PTPRZ1: variants seen among roughly 807,000 people sequenced by gnomAD.
PTPRZ1 encodes the protein protein tyrosine phosphatase receptor type Z1.
A neutral mutation model predicts 214.1 loss-of-function variants in PTPRZ1; 82 were observed. The observed-to-expected ratio is 0.38, with a 90% CI of 0.32 to 0.46. The LOEUF is 0.46. Among genes scored for constraint, PTPRZ1 ranks in the 20% least tolerant of loss-of-function variants. The pLI is 1.00. For synonymous variants in PTPRZ1, 945 were observed against 987.9 expected, an observed-to-expected ratio of 0.96 and a Z score of 0.81; for missense variants, 2,603 against 2,748.7, an observed-to-expected ratio of 0.95 and a Z score of 1.19.
rs950539949 is a variant in PTPRZ1, at chr7:121,879,794, CTTCT to C, written c.58+6238_58+6241del. Among the ~76,000 whole-genome samples the C allele has an allele frequency of 6.6e-5, 10 of 151,630 alleles. No homozygotes were observed. In the East Asian group the frequency reaches 1.2e-3, roughly 18 times the overall value. On this transcript the variant is annotated intron_variant, in intron 1 of 29. Transcript: ENST00000393386. ...CCTTCCTTTTTTCTTTCCCTCCTTC[CTTCT>C]ATTTTTCCTTCCTTCCCCTTTCCTC... is the stretch of plus-strand genomic sequence containing the variant.
At chr7:121,990,519 T>G (rs1055910910) in intron 8 of PTPRZ1, among the ~76,000 whole-genome samples, 2 of 141,048 alleles carry the variant, frequency 1.4e-5, no homozygotes, top group African/African-American at 5.3e-5. Context: ...TGTCTTTTTT[T>G]TTTTTTTTTT....
chr7:121,945,615 T>G (rs972058770), intron 2 of PTPRZ1, among the ~76,000 whole-genome samples: 14 of 152,146 alleles, frequency 9.2e-5, no homozygotes, highest in African/African-American at 3.4e-4. Context: ...ATGAGCTAGT[T>G]CATGTGGGGA....
Position 122,013,365 on chromosome 7 carries a change from A to G in PTPRZ1, c.4319A>G (p.His1440Arg), listed in dbSNP as rs139890527. Residue 1440 changes from histidine to arginine, a missense_variant, in exon 12 of 30, where the codon CAT (histidine) becomes CGT (arginine). Physicochemically the swap from His to Arg is conservative, Grantham distance 29. Transcript: ENST00000393386. ...DDRGSDGLSI[H>R]KCMSCSSYRE... ...AGAGGTAGTGATGGCTTATCCATTCATAAGTGTATGTCATGCTCATCCTAT... is the reference window on the plus strand; with the variant it reads ...AGAGGTAGTGATGGCTTATCCATTCGTAAGTGTATGTCATGCTCATCCTAT... The G allele has an allele frequency of 1.5e-3, 2,420 of 1,614,188 alleles. 4 individuals are homozygous for G. The highest frequency in any genetic ancestry group is 1.9e-3 in the Non-Finnish European group (2,202 of 1,180,024).
intron 18 of PTPRZ1, among the ~76,000 whole-genome samples, chr7:122,038,148 T>C (rs1486159834): frequency 6.6e-6 from 1 of 152,110 alleles, no homozygotes; most frequent in Non-Finnish European, 1.5e-5. Flanking sequence ...TTCCATTATT[T>C]CCACCTGGTT....
rs574517335 is a variant in PTPRZ1, at chr7:121,923,365, C to T, written c.59-4791C>T. Among the ~76,000 whole-genome samples the T allele has an allele frequency of 7.3e-4, 111 of 152,268 alleles. No individual in the cohort carries two copies. The South Asian group carries it at 0.022, about 30-fold the overall frequency. On this transcript the variant is annotated intron_variant, in intron 1 of 29. Coordinates refer to ENST00000393386, the MANE Select transcript of PTPRZ1 (RefSeq NM_002851.3). Reference sequence around the variant, plus strand: ...TGCAAGAAGTATCATCTACCTTGAACAAATTCACTTTAAGAGATATGGAAT... The same window carrying T: ...TGCAAGAAGTATCATCTACCTTGAATAAATTCACTTTAAGAGATATGGAAT...
chr7:121,945,045 C>A (rs757977786), intron 2 of PTPRZ1, among the ~76,000 whole-genome samples: 6 of 152,194 alleles, frequency 3.9e-5, no homozygotes, highest in Non-Finnish European at 8.8e-5. Flanking sequence ...AAAATGTTAT[C>A]TGTCAGTTCC....
chr7:122,056,057 C>T (rs1792341219), intron 27 of PTPRZ1, among the ~76,000 whole-genome samples: 2 of 151,764 alleles, frequency 1.3e-5, no homozygotes, highest in African/African-American at 4.8e-5. Flanking sequence ...AACTAGAAGG[C>T]TCGTAAGGTC....
chr7:121,943,859 T>C (rs1275508917), intron 2 of PTPRZ1, among the ~76,000 whole-genome samples: 17 of 152,152 alleles, frequency 1.1e-4, no homozygotes, highest in Admixed American at 1.0e-3. Context: ...TAGGTCAATC[T>C]CAGCTTATGT....
chr7:121,891,312 A>G (rs1199965942), intron 1 of PTPRZ1, among the ~76,000 whole-genome samples: 1 of 151,792 alleles, frequency 6.6e-6, no homozygotes, highest in Non-Finnish European at 1.5e-5. Context: ...TTTCTAAATT[A>G]TTTTATTCTC....
At chr7:122,009,493 G>C (rs947749245) in intron 11 of PTPRZ1, among the ~76,000 whole-genome samples, 5 of 150,172 alleles carry the variant, frequency 3.3e-5, no homozygotes, top group African/African-American at 4.9e-5. Context: ...TTTGGCAATT[G>C]AGTTTTCTAA....
At chr7:122,005,637 GAT>G (rs879935574) in intron 11 of PTPRZ1, among the ~76,000 whole-genome samples, 175 of 150,566 alleles carry the variant, frequency 1.2e-3, no homozygotes, top group African/African-American at 3.3e-3. Flanking sequence ...TGCATATGGA[GAT>G]ATATATATAT....
chr7:121,970,978 T>C (rs1042630483), intron 3 of PTPRZ1, among the ~76,000 whole-genome samples: 2 of 152,222 alleles, frequency 1.3e-5, no homozygotes, highest in African/African-American at 4.8e-5. Flanking sequence ...TTAATTTTTG[T>C]ATAAGGTGTA....
chr7:121,901,750 A>G (rs1487055470), intron 1 of PTPRZ1, among the ~76,000 whole-genome samples: 1 of 152,172 alleles, frequency 6.6e-6, no homozygotes, highest in Non-Finnish European at 1.5e-5. Flanking sequence ...GTACATATTT[A>G]TGGGCTACAA....
Position 121,873,535 on chromosome 7 carries a change from G to A in PTPRZ1, c.36G>A (p.Gln12=). ...RILKRFLACI[Q]LLCVCRLDWA... is the part of the protein sequence containing the mutation. ...TAAAGCGTTTCCTCGCTTGCATTCA[G>A]CTCCTCTGTGTTTGCCGCCTGGGTG... Residue 12 remains glutamine, a synonymous_variant, in exon 1 of 30, where the codon CAG becomes CAA. Coordinates refer to ENST00000393386, the MANE Select transcript of PTPRZ1 (RefSeq NM_002851.3). 6.2e-7 allele frequency: 1 copy of A among 1,613,980 alleles called. No individual in the cohort carries two copies.
At chr7:121,935,143 G>T (rs945774416) in intron 2 of PTPRZ1, among the ~76,000 whole-genome samples, 2 of 152,054 alleles carry the variant, frequency 1.3e-5, no homozygotes, top group South Asian at 4.1e-4. Flanking sequence ...TTATTTGGTC[G>T]CAACTCTTAT....
chr7:122,053,202 T>C lies in PTPRZ1; in HGVS notation c.6253-708T>C, dbSNP rs1792240490. Among the ~76,000 whole-genome samples, 4 of 152,200 alleles carry C rather than the reference T, an allele frequency of 2.6e-5. No individual in the cohort carries two copies. In the South Asian group the frequency reaches 8.3e-4, roughly 32 times the overall value. Reference sequence around the variant, plus strand: ...CAATGCCCCCACTGAGTCCAGGGCATTATCCAAGTAGGTTTTCCATGGGGA... The same window carrying C: ...CAATGCCCCCACTGAGTCCAGGGCACTATCCAAGTAGGTTTTCCATGGGGA... On this transcript the variant is annotated intron_variant, in intron 25 of 29. Transcript: ENST00000393386.
chr7:122,011,850 G>C lies in PTPRZ1; in HGVS notation c.2804G>C (p.Gly935Ala), dbSNP rs1798676447. ...EPSYALSDNE[G>A]SQHIFTVSYS... is the part of the protein sequence containing the mutation. ...TCTTATGCCTTGTCTGATAATGAGG[G>C]CTCCCAACACATCTTCACTGTTTCT... The change falls in exon 12 of 30, where the codon GGC becomes GCC. Residue 935 changes from glycine to alanine, a missense_variant. Gly to Ala is a moderately conservative substitution (Grantham distance 60). This residue lies in a region of PTPRZ1 where 1,913 missense variants were observed against 1,914.3 expected (regional missense o/e 1.00). Transcript: ENST00000393386. 1 of 1,613,518 alleles carries C rather than the reference G, an allele frequency of 6.2e-7. No individual in the cohort carries two copies. Among genetic ancestry groups the C allele is most frequent in the East Asian group, 2.2e-5 (1 of 44,894 alleles).
chr7:122,037,800 G>A (rs982898876), intron 18 of PTPRZ1, among the ~76,000 whole-genome samples: 6 of 152,120 alleles, frequency 3.9e-5, no homozygotes, highest in African/African-American at 1.2e-4. Flanking sequence ...ACTCCTCTGA[G>A]CTTTAGGTTC....
Position 122,013,541 on chromosome 7 carries a change from G to A in PTPRZ1, c.4495G>A (p.Asp1499Asn). Residue 1499 changes from aspartate to asparagine, a missense_variant, in exon 12 of 30, where the codon GAC (aspartate) becomes AAC (asparagine). By Grantham distance (23) the Asp-to-Asn change is conservative (BLOSUM62 1). This residue lies in a region of PTPRZ1 where 1,913 missense variants were observed against 1,914.3 expected (regional missense o/e 1.00). Transcript: ENST00000393386. ...ATCCTCAGACAGTCAAACTGGTATG[G>A]ACAGAAGTCCTGGTAAATCACCATC... ...SVSSDSQTGM[D>N]RSPGKSPSAN... 1 of 1,614,162 alleles carries A rather than the reference G, an allele frequency of 6.2e-7. No individual in the cohort carries two copies. Among genetic ancestry groups the A allele is most frequent in the Non-Finnish European group, 8.5e-7 (1 of 1,180,026 alleles).
Sources: gnomAD v4.1 joint callset for allele counts (sites outside exome capture counted in the v4.1 genomes callset) on GRCh38, gnomAD v4.1.1 for gene constraint, gnomAD v4.1.1 regional missense constraint, MANE v1.5 for transcripts, NCBI Gene and HGNC (gene_info 2026-07-23, HGNC 2026-07-21) for gene names.